The following EPB41L3 variants were observed in gnomAD, a reference collection of about 807,000 sequenced individuals.
EPB41L3 encodes the protein erythrocyte membrane protein band 4.1 like 3.
A neutral mutation model predicts 127.1 loss-of-function variants in EPB41L3; 57 were observed. That is an observed-to-expected ratio of 0.45 (90% CI 0.36 to 0.56). The LOEUF is 0.56. Ranked by LOEUF, EPB41L3 falls within the 20% of genes least tolerant of loss-of-function variation. The probability of loss-of-function intolerance (pLI) is 0.00; values close to 1 mark genes in which losing one functional copy is unlikely to be tolerated. For missense variants in EPB41L3, 1,273 were observed against 1,372.2 expected, an observed-to-expected ratio of 0.93 and a Z score of 1.14; for synonymous variants, 572 against 549.5, an observed-to-expected ratio of 1.04 and a Z score of -0.57.
chr18:5,582,988 C>A (rs2094408411), intron 3 of EPB41L3, among the ~76,000 whole-genome samples: 1 of 152,078 alleles, frequency 6.6e-6, no homozygotes, highest in South Asian at 2.1e-4. Flanking sequence ...TGGAAGGGAC[C>A]CTGCGGATGA....
At chr18:5,497,201 G>C (rs1022218854) in intron 1 of EPB41L3, among the ~76,000 whole-genome samples, 2 of 152,308 alleles carry the variant, frequency 1.3e-5, no homozygotes, top group East Asian at 3.9e-4. Flanking sequence ...GATATGAGGA[G>C]GGGTCAGATC....
upstream of EPB41L3, among the ~76,000 whole-genome samples, chr18:5,545,955 T>C (rs2093874755): frequency 6.6e-6 from 1 of 152,050 alleles, no homozygotes; most frequent in South Asian, 2.1e-4. Context: ...AGAATTCATT[T>C]TCCTTTTTTG....
At chr18:5,500,421 C>A in intron 1 of EPB41L3, among the ~76,000 whole-genome samples, 1 of 152,126 alleles carries the variant, frequency 6.6e-6, no homozygotes, top group East Asian at 1.9e-4. Context: ...CAGTCATCCA[C>A]CACCAAATAA....
At chr18:5,619,321 A>G in intron 1 of EPB41L3, among the ~76,000 whole-genome samples, 1 of 152,240 alleles carries the variant, frequency 6.6e-6, no homozygotes. Flanking sequence ...TATGCAGCCC[A>G]GTGAAGTCTA....
At chr18:5,616,006 G>A (rs558586266) in intron 1 of EPB41L3, among the ~76,000 whole-genome samples, 3 of 152,120 alleles carry the variant, frequency 2.0e-5, no homozygotes, top group African/African-American at 7.2e-5. Context: ...GTTCTCTTCT[G>A]GTTTCCCTGG....
intron 1 of EPB41L3, among the ~76,000 whole-genome samples, chr18:5,513,585 T>C (rs778689355): frequency 2.6e-5 from 4 of 152,322 alleles, no homozygotes; most frequent in Middle Eastern, 3.4e-3. Flanking sequence ...GTCACACTAC[T>C]TGGGCTCAAC....
chr18:5,400,209 C>A (rs2074278879), intron 16 of EPB41L3: 1 of 173,276 alleles, frequency 5.8e-6, no homozygotes, highest in East Asian at 1.7e-4. Context: ...AGTGTTAGTT[C>A]CAATAAGGCA....
rs565547752 is a variant in EPB41L3 at position 5,488,862 on chromosome 18, A to G, written c.183+139T>C. 1.7e-3 allele frequency: 1,544 copies of G among 931,338 alleles called. 1 individual carries two copies. The highest frequency in any genetic ancestry group is 1.8e-3 in the Non-Finnish European group (1,171 of 664,110). The allele number at this position is 931,338 out of a possible 1,614,324, so 57.7% of individuals were successfully genotyped here. On this transcript the variant is annotated intron_variant, in intron 2 of 22. Transcript: ENST00000341928. ...CACTGAAAGCCTTAAAATAGCATAC[A>G]TTTTCATCTGCCTGGGGCTAGAAGG...
chr18:5,554,196 A>G (rs1428145789), intron 3 of EPB41L3, among the ~76,000 whole-genome samples: 2 of 152,170 alleles, frequency 1.3e-5, no homozygotes, highest in African/African-American at 4.8e-5. Context: ...CTAACATGGC[A>G]TATCATTTCC....
intron 3 of EPB41L3, among the ~76,000 whole-genome samples, chr18:5,465,639 C>T (rs11660110): frequency 6.6e-6 from 1 of 151,802 alleles, no homozygotes; most frequent in African/African-American, 2.4e-5. Context: ...AAAAAAGGTC[C>T]CTGGCACCTG....
At chr18:5,502,565 CTTATT>C (rs2091837491) in intron 1 of EPB41L3, among the ~76,000 whole-genome samples, 1 of 152,152 alleles carries the variant, frequency 6.6e-6, no homozygotes, top group African/African-American at 2.4e-5. Flanking sequence ...ACACTGATGC[CTTATT>C]TTAAACTCTT....
intron 1 of EPB41L3, among the ~76,000 whole-genome samples, chr18:5,507,391 T>A (rs1486715975): frequency 6.6e-6 from 1 of 152,142 alleles, no homozygotes; most frequent in Non-Finnish European, 1.5e-5. Flanking sequence ...CAAAAACACA[T>A]TAAGATATTC....
chr18:5,484,446 A>C (rs1392179700), intron 2 of EPB41L3, among the ~76,000 whole-genome samples: 1 of 151,902 alleles, frequency 6.6e-6, no homozygotes, highest in Non-Finnish European at 1.5e-5. Flanking sequence ...CTAGAAAAGC[A>C]GGAATGAACC....
chr18:5,557,141 C>T (rs921905644), intron 3 of EPB41L3, among the ~76,000 whole-genome samples: 4 of 152,132 alleles, frequency 2.6e-5, no homozygotes, highest in Non-Finnish European at 5.9e-5. Context: ...CCTAGAAATG[C>T]TGGGACGAAG....
At chr18:5,509,425 T>C (rs764580564) in intron 1 of EPB41L3, among the ~76,000 whole-genome samples, 2 of 152,188 alleles carry the variant, frequency 1.3e-5, no homozygotes, top group Non-Finnish European at 2.9e-5. Context: ...GAGTTAAACG[T>C]GGTAGGAAGA....
At chr18:5,496,841 A>T (rs898251533) in intron 1 of EPB41L3, among the ~76,000 whole-genome samples, 1 of 151,802 alleles carries the variant, frequency 6.6e-6, no homozygotes, top group South Asian at 2.1e-4. Flanking sequence ...AGCTGTTTTG[A>T]GGCCTAGGGA....
At chr18:5,513,263 G>A (rs999454332) in intron 1 of EPB41L3, among the ~76,000 whole-genome samples, 11 of 152,192 alleles carry the variant, frequency 7.2e-5, no homozygotes, top group African/African-American at 1.9e-4. Flanking sequence ...AGATTTGAGC[G>A]TTGCTACAGC....
At chr18:5,459,822 T>C (rs189526263) in intron 3 of EPB41L3, among the ~76,000 whole-genome samples, 24 of 152,318 alleles carry the variant, frequency 1.6e-4, no homozygotes, top group African/African-American at 5.8e-4. Context: ...AAATAAACTA[T>C]TATCATAGAA....
At chr18:5,477,081 C>A (rs1299230316) in intron 3 of EPB41L3, among the ~76,000 whole-genome samples, 1 of 152,146 alleles carries the variant, frequency 6.6e-6, no homozygotes, top group Non-Finnish European at 1.5e-5. Context: ...CCTCTCATCC[C>A]CATCCTAAAT....
Sources: allele counts gnomAD v4.1 joint callset (sites outside exome capture counted in the v4.1 genomes callset), GRCh38; gene constraint gnomAD v4.1.1; transcripts MANE v1.5; gene names NCBI Gene and HGNC (gene_info 2026-07-23, HGNC 2026-07-21).